Variants in PDE12 observed in about 807,000 individuals in gnomAD.
The protein encoded by PDE12 is phosphodiesterase 12.
Under a neutral mutation model 45.4 loss-of-function variants are expected in PDE12, and 26 were observed. The ratio of observed to expected loss-of-function variants is 0.57; its 90% confidence interval spans 0.42 to 0.79. PDE12 has a LOEUF of 0.79. Ranked by LOEUF, PDE12 falls within the 30% of genes least tolerant of loss-of-function variation. The pLI is 0.00. For synonymous variants in PDE12, 283 were observed against 323.9 expected (o/e 0.87, Z 1.36); for missense variants, 668 against 790.0 (o/e 0.85, Z 1.85).
At chr3:57,572,468 C>A in the PDE12 span, among the ~76,000 whole-genome samples, 4 of 152,178 alleles carry the variant, frequency 2.6e-5, no homozygotes, top group African/African-American at 9.7e-5. Flanking sequence ...ACCTATAAAT[C>A]CCAGCACTTT....
At chr3:57,584,320 CTAGACT>C in the PDE12 span, 2 of 1,326,046 alleles carry the variant, frequency 1.5e-6, no homozygotes, top group Non-Finnish European at 2.1e-6. Context: ...AATCTCAAAA[CTAGACT>C]GTATATATTT....
chr3:57,654,466 A>G, the PDE12 span, among the ~76,000 whole-genome samples: 220 of 152,326 alleles, frequency 1.4e-3, no homozygotes, highest in African/African-American at 5.1e-3. Flanking sequence ...AAGCCAAAAT[A>G]ACTTGTTTCT....
the PDE12 span, among the ~76,000 whole-genome samples, chr3:57,608,304 T>C: frequency 6.6e-6 from 1 of 152,224 alleles, no homozygotes; most frequent in African/African-American, 2.4e-5. Context: ...TAAAGACCAT[T>C]GATGCTAGGA....
At chr3:57,633,173 C>CTGGCAAAAA in the PDE12 span, 1 of 1,090,784 alleles carries the variant, frequency 9.2e-7, no homozygotes, top group South Asian at 1.4e-5. Flanking sequence ...GCAAAACACA[C>CTGGCAAAAA]AACTTAAGAT....
chr3:57,649,372 G>C, the PDE12 span, among the ~76,000 whole-genome samples: 1 of 152,190 alleles, frequency 6.6e-6, no homozygotes, highest in African/African-American at 2.4e-5. Flanking sequence ...TGGTGTGGAT[G>C]TGGTGAAAAG....
At chr3:57,622,803 A>C in the PDE12 span, among the ~76,000 whole-genome samples, 1 of 152,226 alleles carries the variant, frequency 6.6e-6, no homozygotes, top group Non-Finnish European at 1.5e-5. Flanking sequence ...TCTCAAAATC[A>C]TAATGCTGAG....
the PDE12 span, among the ~76,000 whole-genome samples, chr3:57,637,809 A>C: frequency 3.7e-4 from 23 of 62,558 alleles, no homozygotes; most frequent in African/African-American, 7.3e-4. Context: ...AGAAAACAAA[A>C]AAAATAAATA....
At chr3:57,602,905 G>A in the PDE12 span, among the ~76,000 whole-genome samples, 1 of 152,116 alleles carries the variant, frequency 6.6e-6, no homozygotes, top group Admixed American at 6.5e-5. Flanking sequence ...TCCCAGTTAG[G>A]CCAGGTGCAG....
chr3:57,564,853 CA>C lies in PDE12; in HGVS notation c.*4866del, dbSNP rs35230512. The C allele has an allele frequency of 0.43, 47,853 of 112,436 alleles. 8,561 individuals carry two copies. Among genetic ancestry groups the C allele is most frequent in the South Asian group, 0.59 (2,184 of 3,706 alleles). The allele number at this position is 112,436 out of a possible 1,614,324, so 7.0% of individuals were successfully genotyped here. On this transcript the variant is annotated 3_prime_UTR_variant, in exon 3 of 3. Coordinates refer to ENST00000311180, the MANE Select transcript of PDE12 (RefSeq NM_177966.7). ...GGCTAATTTTTGTATATTTTATAGGCAAAAAAAAAAAAAAAAATGGTTTCAC... is the reference window on the plus strand; with the variant it reads ...GGCTAATTTTTGTATATTTTATAGGCAAAAAAAAAAAAAAAATGGTTTCAC...
At chr3:57,570,608 C>A (rs1338410253), downstream of PDE12, among the ~76,000 whole-genome samples, 1 of 152,012 alleles carries the variant, frequency 6.6e-6, no homozygotes, top group East Asian at 1.9e-4. Flanking sequence ...TTAGCTGAAT[C>A]TTTACAAGCC....
intron 1 of PDE12, among the ~76,000 whole-genome samples, chr3:57,558,677 GT>G (rs1404334980): frequency 6.7e-6 from 1 of 149,992 alleles, no homozygotes; most frequent in East Asian, 2.0e-4. Flanking sequence ...TAGAGACGGG[GT>G]TTGGGGTTTC....
chr3:57,638,641 G>A, the PDE12 span, among the ~76,000 whole-genome samples: 1 of 151,644 alleles, frequency 6.6e-6, no homozygotes, highest in Non-Finnish European at 1.5e-5. Context: ...CAGGCAACAG[G>A]GTGAGACTCC....
In PDE12 at chr3:57,559,544, T is replaced by G. The variant is rs569426952; in HGVS notation, c.1388-18T>G. 1 of 1,579,102 alleles carries G rather than the reference T, an allele frequency of 6.3e-7. No homozygotes were observed. Among genetic ancestry groups the G allele is most frequent in the South Asian group, 1.2e-5 (1 of 85,566 alleles). ...CAACTTTAAAAAATACTTACATTAA[T>G]GTTTTTTATATTCATAGGTGGGTAT... On this transcript the variant is annotated intron_variant, in intron 2 of 2. Coordinates refer to ENST00000311180, the MANE Select transcript of PDE12 (RefSeq NM_177966.7).
the PDE12 span, among the ~76,000 whole-genome samples, chr3:57,577,107 C>T: frequency 1.3e-5 from 2 of 151,066 alleles, no homozygotes; most frequent in Non-Finnish European, 2.9e-5. Flanking sequence ...ACTGAAGTAG[C>T]TACTCTTCCA....
At chr3:57,598,443 C>G in the PDE12 span, among the ~76,000 whole-genome samples, 1 of 152,154 alleles carries the variant, frequency 6.6e-6, no homozygotes, top group African/African-American at 2.4e-5. Context: ...CTTATCTACC[C>G]TTCAGAGACT....
the PDE12 span, among the ~76,000 whole-genome samples, chr3:57,588,008 C>T: frequency 6.6e-6 from 1 of 152,202 alleles, no homozygotes; most frequent in South Asian, 2.1e-4. Flanking sequence ...ACATATTGGT[C>T]CAACAATTTT....
At chr3:57,575,814 C>T in the PDE12 span, 1 of 932,778 alleles carries the variant, frequency 1.1e-6, no homozygotes, top group Non-Finnish European at 1.5e-6. Flanking sequence ...ACTCTTACAA[C>T]TGAAGTCTCA....
the PDE12 span, among the ~76,000 whole-genome samples, chr3:57,647,673 G>C: frequency 6.6e-6 from 1 of 152,110 alleles, no homozygotes; most frequent in African/African-American, 2.4e-5. Flanking sequence ...AGAAATGAGG[G>C]TATCTCCATG....
chr3:57,645,322 G>A, the PDE12 span, among the ~76,000 whole-genome samples: 5 of 151,966 alleles, frequency 3.3e-5, no homozygotes, highest in African/African-American at 7.3e-5. Context: ...TTAGCCGGGC[G>A]TGGTGGCGCA....
Sources: gnomAD v4.1 joint callset for allele counts (sites outside exome capture counted in the v4.1 genomes callset) on GRCh38, gnomAD v4.1.1 for gene constraint, MANE v1.5 for transcripts, NCBI Gene and HGNC (gene_info 2026-07-23, HGNC 2026-07-21) for gene names.